GPM6B: variants seen among roughly 807,000 people sequenced by gnomAD.
The protein encoded by GPM6B is neuronal membrane glycoprotein M6-b.
GPM6B carries 4 observed loss-of-function variants against 27.2 expected under a neutral mutation model. The ratio of observed to expected loss-of-function variants is 0.15; its 90% CI spans 0.07 to 0.34. The LOEUF is 0.34. GPM6B is among the 10% of genes least tolerant of loss of function. The pLI, the probability that GPM6B is intolerant of heterozygous loss-of-function variation, is 1.00. For missense variants in GPM6B, 183 were observed against 261.9 expected (o/e 0.70, Z 2.08); for synonymous variants, 124 against 103.1 (o/e 1.20, Z -1.23).
At chrX:13,860,490 A>G (rs1249234217) in intron 1 of GPM6B, among the ~76,000 whole-genome samples, 1 of 104,661 alleles carries the variant, frequency 9.6e-6, no homozygotes, top group African/African-American at 3.6e-5. Flanking sequence ...AGCTATGCTG[A>G]AAACACTGTA....
At chrX:13,936,487 A>T in intron 1 of GPM6B, among the ~76,000 whole-genome samples, 1 of 112,209 alleles carries the variant, frequency 8.9e-6, no homozygotes. Flanking sequence ...AATCATTTCA[A>T]TTAAAACATT....
intron 3 of GPM6B, among the ~76,000 whole-genome samples, chrX:13,784,252 C>T (rs1455327849): frequency 8.9e-6 from 1 of 112,528 alleles, no homozygotes; most frequent in Non-Finnish European, 1.9e-5. Flanking sequence ...TGGGGTAAGG[C>T]ATGGGGATTT....
At position 13,831,177 on chromosome X, in the gene GPM6B, TACACACACACACACACACACAC is replaced by T. The variant is rs536337642; in HGVS notation, c.-197-45391_-197-45370del. Among the ~76,000 whole-genome samples, 6 of 81,635 alleles carry T rather than the reference TACACACACACACACACACACAC, an allele frequency of 7.3e-5. 1 individual carries two copies. Among genetic ancestry groups the T allele is most frequent in the African/African-American group, 2.4e-4 (5 of 21,265 alleles). The allele number at this position is 81,635 out of a possible 115,157, so 70.9% of individuals were successfully genotyped here. ...AGTAAAGGGATGTAGAAGAGCTCAG[TACACACACACACACACACACAC>T]ACACACACACACACACACACACACA... On this transcript the variant is annotated intron_variant, in intron 1 of 6. Coordinates refer to the GPM6B transcript ENST00000398361.
chrX:13,810,744 T>TAA (rs747466374), intron 1 of GPM6B, among the ~76,000 whole-genome samples: 16 of 80,647 alleles, frequency 2.0e-4, no homozygotes, highest in Non-Finnish European at 3.4e-4. Context: ...ATTCAGGATT[T>TAA]AAAAAAAAAA....
intron 1 of GPM6B, among the ~76,000 whole-genome samples, chrX:13,850,008 G>A (rs375609076): frequency 2.7e-5 from 3 of 111,939 alleles, no homozygotes; most frequent in South Asian, 3.7e-4. Context: ...GCAGTGAGCC[G>A]AGATGGCATC....
At chrX:13,888,076 A>G (rs1443985914) in intron 1 of GPM6B, among the ~76,000 whole-genome samples, 2 of 112,414 alleles carry the variant, frequency 1.8e-5, no homozygotes, top group East Asian at 5.6e-4. Flanking sequence ...GATGATCCCT[A>G]AAGACACTTT....
intron 1 of GPM6B, among the ~76,000 whole-genome samples, chrX:13,903,787 C>T (rs1033573950): frequency 4.5e-5 from 5 of 111,998 alleles, no homozygotes; most frequent in Non-Finnish European, 9.4e-5. Context: ...GGGGTGAATG[C>T]CTGTGTCTGG....
intron 1 of GPM6B, among the ~76,000 whole-genome samples, chrX:13,884,785 T>A (rs1257710751): frequency 8.9e-6 from 1 of 111,889 alleles, no homozygotes; most frequent in Non-Finnish European, 1.9e-5. Context: ...TAATTAAACC[T>A]GGGTTCCTGA....
At chrX:13,880,222 C>G (rs1200150729) in intron 1 of GPM6B, among the ~76,000 whole-genome samples, 1 of 111,537 alleles carries the variant, frequency 9.0e-6, no homozygotes, top group African/African-American at 3.3e-5. Context: ...TGATCTCTTT[C>G]ACAACACAAG....
chrX:13,929,832 C>A (rs1921397204), intron 1 of GPM6B, among the ~76,000 whole-genome samples: 1 of 111,900 alleles, frequency 8.9e-6, no homozygotes, highest in East Asian at 2.8e-4. Context: ...GGTTGAGAAA[C>A]CCTGCTCTAA....
intron 1 of GPM6B, among the ~76,000 whole-genome samples, chrX:13,809,528 C>A (rs2049085313): frequency 9.0e-6 from 1 of 111,564 alleles, no homozygotes; most frequent in Admixed American, 9.5e-5. Context: ...GTAATCCCAG[C>A]ACTTTGGGAG....
chrX:13,924,879 T>C (rs969361192), intron 1 of GPM6B, among the ~76,000 whole-genome samples: 2 of 112,353 alleles, frequency 1.8e-5, no homozygotes, highest in Admixed American at 9.4e-5. Flanking sequence ...TTGTCTTCCA[T>C]TGGCAAACAG....
At chrX:13,862,550 G>A (rs1477584186) in intron 1 of GPM6B, among the ~76,000 whole-genome samples, 1 of 111,865 alleles carries the variant, frequency 8.9e-6, no homozygotes, top group Non-Finnish European at 1.9e-5. Context: ...TGGGTAGGTG[G>A]GCAATATGAA....
chrX:13,833,057 G>C (rs761556333), intron 1 of GPM6B, among the ~76,000 whole-genome samples: 38 of 111,607 alleles, frequency 3.4e-4, no homozygotes, highest in African/African-American at 1.2e-3. Context: ...CTTGAGCCCA[G>C]GAGTTTGAGG....
At chrX:13,880,919 G>A (rs766514021) in intron 1 of GPM6B, among the ~76,000 whole-genome samples, 4 of 110,231 alleles carry the variant, frequency 3.6e-5, no homozygotes, top group East Asian at 2.9e-4. Flanking sequence ...GCAACCTGCC[G>A]TTCCCTGGGC....
rs41311835 is a variant in GPM6B at position 13,771,948 on chromosome X, C to T, written c.*933G>A. Reference sequence around the variant, plus strand: ...TAGGTTTTAGATAGTTGGTATGAAACTGTAAACTTCGTATCCAGACCACTG... The same window carrying T: ...TAGGTTTTAGATAGTTGGTATGAAATTGTAAACTTCGTATCCAGACCACTG... On this transcript the variant is annotated 3_prime_UTR_variant, in exon 8 of 8. Transcript: ENST00000316715. 1 of 112,506 alleles carries T rather than the reference C, an allele frequency of 8.9e-6. No individual in the cohort carries two copies. The highest frequency in any genetic ancestry group is 3.2e-5 in the African/African-American group (1 of 30,920). The allele number at this position is 112,506 out of a possible 1,213,427, so 9.3% of individuals were successfully genotyped here.
At chrX:13,909,975 T>C (rs2050364241) in intron 1 of GPM6B, among the ~76,000 whole-genome samples, 1 of 111,814 alleles carries the variant, frequency 8.9e-6, no homozygotes, top group African/African-American at 3.2e-5. Context: ...AATAAGGCCT[T>C]TGGCACCTGT....
At chrX:13,928,445 C>T (rs1195510981) in intron 1 of GPM6B, among the ~76,000 whole-genome samples, 3 of 112,431 alleles carry the variant, frequency 2.7e-5, no homozygotes, top group Non-Finnish European at 3.8e-5. Flanking sequence ...TAAACCGGTA[C>T]AGTGGCTTTG....
intron 1 of GPM6B, among the ~76,000 whole-genome samples, chrX:13,849,289 A>G (rs888624036): frequency 2.7e-5 from 3 of 112,832 alleles, no homozygotes; most frequent in Non-Finnish European, 5.6e-5. Flanking sequence ...GACGCCAAGA[A>G]GATAGAATCA....
Sources: allele counts gnomAD v4.1 joint callset (sites outside exome capture counted in the v4.1 genomes callset), GRCh38; gene constraint gnomAD v4.1.1; transcripts MANE v1.5; gene names NCBI Gene and HGNC (gene_info 2026-07-23, HGNC 2026-07-21).